Variants in SPATA9 observed in about 807,000 individuals in gnomAD.
The protein encoded by SPATA9 is spermatogenesis-associated protein 9.
Under a neutral mutation model 25.5 loss-of-function variants are expected in SPATA9, and 27 were observed. The observed-to-expected ratio is 1.06, with a 90% confidence interval of 0.78 to 1.46. The LOEUF (loss-of-function observed/expected upper bound fraction) is 1.46, where lower values mean the gene tolerates loss of function less well. Ranked by LOEUF, SPATA9 falls within the 40% of genes most tolerant of loss-of-function variation. SPATA9 has a pLI of 0.00. For missense variants in SPATA9, 282 were observed against 297.5 expected (o/e 0.95, Z 0.38); for synonymous variants, 102 against 105.7 (o/e 0.97, Z 0.21).
At chr5:95,706,054 C>T in the SPATA9 span, among the ~76,000 whole-genome samples, 1 of 152,306 alleles carries the variant, frequency 6.6e-6, no homozygotes, top group South Asian at 2.1e-4. Flanking sequence ...CATGGACCTC[C>T]TCCCACTCCC....
chr5:95,687,149 T>G (rs1373323307), upstream of SPATA9, among the ~76,000 whole-genome samples: 3 of 152,236 alleles, frequency 2.0e-5, no homozygotes, highest in African/African-American at 7.2e-5. Flanking sequence ...CTTGCCAGGC[T>G]GCTTACCAGA....
At chr5:95,688,358 T>C (rs1175575782) in intron 1 of SPATA9, among the ~76,000 whole-genome samples, 1 of 152,172 alleles carries the variant, frequency 6.6e-6, no homozygotes, top group African/African-American at 2.4e-5. Flanking sequence ...TTTCAAATGA[T>C]CTTCCCACCT....
chr5:95,715,809 G>A, the SPATA9 span, among the ~76,000 whole-genome samples: 1 of 152,244 alleles, frequency 6.6e-6, no homozygotes, highest in Admixed American at 6.5e-5. Flanking sequence ...AGAATGAGAA[G>A]CCATATGTAA....
At chr5:95,705,943 CTG>C in the SPATA9 span, among the ~76,000 whole-genome samples, 1 of 152,138 alleles carries the variant, frequency 6.6e-6, no homozygotes, top group Admixed American at 6.5e-5. Flanking sequence ...CCTTACTTTT[CTG>C]TTTCTGTAAG....
the SPATA9 span, among the ~76,000 whole-genome samples, chr5:95,717,924 G>A: frequency 6.6e-6 from 1 of 152,172 alleles, no homozygotes; most frequent in African/African-American, 2.4e-5. Flanking sequence ...ATACATTTAT[G>A]TTTTATGCCT....
chr5:95,664,026 T>C lies in SPATA9; in HGVS notation c.401A>G (p.Glu134Gly). ...NIQVRKGSLF[E>G]IISFPAKTAL... ...AGTCTTTGCTGGAAAGGAGATGATT[T>C]CAAACAAAGAACCCTTTCTGACCTG... Residue 134 changes from glutamate to glycine, a missense_variant, in exon 4 of 5, where the codon GAA becomes GGA. Physicochemically the swap from Glu to Gly is moderately conservative, Grantham distance 98. Transcript: ENST00000274432. 6.3e-7 allele frequency: 1 copy of C among 1,589,556 alleles called. No individual in the cohort carries two copies. Among genetic ancestry groups the C allele is most frequent in the Non-Finnish European group, 8.6e-7 (1 of 1,165,738 alleles).
At chr5:95,713,593 G>A in the SPATA9 span, 8 of 152,000 alleles carry the variant, frequency 5.3e-5, no homozygotes, top group East Asian at 1.5e-3. Flanking sequence ...GCAGAATTGT[G>A]AGCCATTAAA....
At chr5:95,685,281 C>T (rs977940633), upstream of SPATA9, among the ~76,000 whole-genome samples, 4 of 152,222 alleles carry the variant, frequency 2.6e-5, no homozygotes, top group African/African-American at 9.6e-5. Context: ...ACCTGGGCTT[C>T]AGCATTTTGA....
downstream of SPATA9, chr5:95,657,833 C>T (rs546289923): frequency 6.6e-6 from 1 of 152,116 alleles, no homozygotes; most frequent in Non-Finnish European, 1.5e-5. Flanking sequence ...AAGGTACATC[C>T]CAGTCTATTC....
chr5:95,699,002 C>T (rs1232560649), upstream of SPATA9, among the ~76,000 whole-genome samples: 2 of 152,124 alleles, frequency 1.3e-5, no homozygotes, highest in African/African-American at 2.4e-5. Flanking sequence ...AAATGGAAGG[C>T]GCAGGCTTGA....
At chr5:95,652,502 G>A, downstream of SPATA9, 2 of 826,090 alleles carry the variant, frequency 2.4e-6, no homozygotes, top group Non-Finnish European at 3.4e-6. Flanking sequence ...TTTCCATTCT[G>A]CAAAAATACC....
chr5:95,727,673 C>G, the SPATA9 span, among the ~76,000 whole-genome samples: 61,426 of 151,902 alleles, frequency 0.4, 12,977 homozygotes, highest in East Asian at 0.73. Context: ...ATGAGAGAAA[C>G]TGCAAATACA....
chr5:95,722,615 A>C, the SPATA9 span, among the ~76,000 whole-genome samples: 1 of 152,064 alleles, frequency 6.6e-6, no homozygotes, highest in Non-Finnish European at 1.5e-5. Flanking sequence ...TCAGCCTCCC[A>C]AGTAGCTGGG....
At chr5:95,670,992 T>G in intron 3 of SPATA9, 2 of 737,976 alleles carry the variant, frequency 2.7e-6, no homozygotes, top group Non-Finnish European at 3.3e-6. Context: ...AGCTTCTTCC[T>G]AACCCCAGCC....
At chr5:95,652,790 T>C (rs1416473295), downstream of SPATA9, 1 of 304,080 alleles carries the variant, frequency 3.3e-6, no homozygotes, top group East Asian at 6.6e-5. Context: ...TATTACTTTT[T>C]ATCCCCTACA....
rs574079392 is a variant in SPATA9, at chr5:95,658,657, AAC to A, written c.729_730del (p.Phe244Ter). ...CTCATTCATTTCAGCTGATTGGTCA[AAC>A]ACAGAATGTAAAACTTGGATGTTAT... On this transcript the variant is annotated frameshift_variant, in exon 5 of 5. Transcript: ENST00000274432. LOFTEE classifies it high-confidence loss of function. 34 of 1,613,518 alleles carry A rather than the reference AAC, an allele frequency of 2.1e-5. No individual in the cohort carries two copies. The highest frequency in any genetic ancestry group is 5.3e-5 in the African/African-American group (4 of 74,856).
chr5:95,657,578 C>T (rs952291686), downstream of SPATA9: 2 of 151,938 alleles, frequency 1.3e-5, no homozygotes, highest in Non-Finnish European at 2.9e-5. Flanking sequence ...TCTAAGGAGC[C>T]GACCTGGACT....
chr5:95,688,374 T>C (rs1445441742), intron 1 of SPATA9, among the ~76,000 whole-genome samples: 11 of 152,130 alleles, frequency 7.2e-5, no homozygotes, highest in African/African-American at 2.7e-4. Flanking sequence ...CACCTTAGCC[T>C]CCTAAGTAGC....
At chr5:95,679,996 C>G (rs1399127383) in intron 2 of SPATA9, among the ~76,000 whole-genome samples, 2 of 152,246 alleles carry the variant, frequency 1.3e-5, no homozygotes, top group Non-Finnish European at 2.9e-5. Context: ...CTACCAGGTT[C>G]ACGCCATTCT....
Sources: allele counts gnomAD v4.1 joint callset (sites outside exome capture counted in the v4.1 genomes callset), GRCh38; gene constraint gnomAD v4.1.1; transcripts MANE v1.5; gene names NCBI Gene and HGNC (gene_info 2026-07-23, HGNC 2026-07-21).